The following MARCHF1 variants were observed in gnomAD, a reference collection of about 807,000 sequenced individuals.
The protein encoded by MARCHF1 is E3 ubiquitin-protein ligase MARCHF1.
A neutral mutation model predicts 54.2 loss-of-function variants in MARCHF1; 40 were observed. That is an observed-to-expected ratio of 0.74 (90% CI 0.57 to 0.96). The LOEUF is 0.96. MARCHF1 is among the 40% of genes least tolerant of loss of function. The probability of loss-of-function intolerance (pLI) is 0.00; values close to 1 mark genes in which losing one functional copy is unlikely to be tolerated. For missense variants in MARCHF1, 586 were observed against 656.5 expected (o/e 0.89, Z 1.17); for synonymous variants, 236 against 236.3 (o/e 1.00, Z 0.01).
intron 3 of MARCHF1, among the ~76,000 whole-genome samples, chr4:163,930,512 T>G (rs963378200): frequency 6.6e-6 from 1 of 151,616 alleles, no homozygotes; most frequent in Non-Finnish European, 1.5e-5. Flanking sequence ...GATGATTAAT[T>G]TTATGCCTCA....
At chr4:164,187,923 TA>T (rs1452095940) in intron 1 of MARCHF1, among the ~76,000 whole-genome samples, 1 of 152,154 alleles carries the variant, frequency 6.6e-6, no homozygotes. Context: ...GAAAATCTAG[TA>T]AACCTATAAA....
intron 2 of MARCHF1, among the ~76,000 whole-genome samples, chr4:164,052,585 G>T (rs564415667): frequency 6.6e-6 from 1 of 151,984 alleles, no homozygotes; most frequent in Non-Finnish European, 1.5e-5. Context: ...TTAGAAGTGC[G>T]CTATAAAACT....
At chr4:163,880,465 TA>T (rs1394488736) in intron 3 of MARCHF1, among the ~76,000 whole-genome samples, 1 of 151,148 alleles carries the variant, frequency 6.6e-6, no homozygotes, top group Non-Finnish European at 1.5e-5. Context: ...TTAGGAGTCT[TA>T]TGATAATAGA....
intron 4 of MARCHF1, among the ~76,000 whole-genome samples, chr4:163,723,912 G>A (rs919230445): frequency 6.6e-6 from 1 of 152,130 alleles, no homozygotes; most frequent in Non-Finnish European, 1.5e-5. Context: ...GGTTATTTTA[G>A]TTAGCCATTC....
intron 7 of MARCHF1, among the ~76,000 whole-genome samples, chr4:163,608,485 G>A (rs925878258): frequency 6.6e-6 from 1 of 152,024 alleles, no homozygotes; most frequent in Non-Finnish European, 1.5e-5. Flanking sequence ...CAGTGAGGGC[G>A]ATTTACAGGC....
chr4:163,753,545 G>A (rs568399875), intron 4 of MARCHF1, among the ~76,000 whole-genome samples: 10 of 152,064 alleles, frequency 6.6e-5, no homozygotes, highest in Non-Finnish European at 5.9e-5. Flanking sequence ...TGGGATGGGG[G>A]GTGAGAGAAA....
chr4:164,087,806 TG>T (rs1434641909), intron 2 of MARCHF1, among the ~76,000 whole-genome samples: 3 of 46,750 alleles, frequency 6.4e-5, no homozygotes, highest in Admixed American at 5.6e-4. Flanking sequence ...CTTTTTTCTG[TG>T]TTTTTTTTTT....
intron 2 of MARCHF1, among the ~76,000 whole-genome samples, chr4:164,039,123 G>A (rs1031196115): frequency 6.6e-6 from 1 of 152,136 alleles, no homozygotes; most frequent in African/African-American, 2.4e-5. Context: ...AGATTAGGGA[G>A]TAAAATAATC....
intron 3 of MARCHF1, among the ~76,000 whole-genome samples, chr4:163,979,811 A>C: frequency 6.6e-6 from 1 of 152,014 alleles, no homozygotes; most frequent in Non-Finnish European, 1.5e-5. Context: ...TTGGCTGCAT[A>C]AATGTCTTCT....
chr4:164,167,838 G>A (rs1256572089), intron 1 of MARCHF1, among the ~76,000 whole-genome samples: 6 of 151,726 alleles, frequency 4.0e-5, no homozygotes, highest in Non-Finnish European at 8.8e-5. Context: ...GAACATAGAA[G>A]AGCTTCTTGA....
At chr4:164,340,838 G>A (rs1198696670) in intron 1 of MARCHF1, among the ~76,000 whole-genome samples, 2 of 150,874 alleles carry the variant, frequency 1.3e-5, no homozygotes, top group Non-Finnish European at 2.9e-5. Flanking sequence ...GATTACAGGT[G>A]TGAGCCACTG....
chr4:164,369,401 CAT>C (rs1199997062), intron 1 of MARCHF1, among the ~76,000 whole-genome samples: 3 of 152,176 alleles, frequency 2.0e-5, no homozygotes, highest in South Asian at 2.1e-4. Flanking sequence ...AAAGTGAACA[CAT>C]GAGTTCCAAT....
intron 3 of MARCHF1, among the ~76,000 whole-genome samples, chr4:163,919,223 AT>A (rs1358773096): frequency 6.6e-6 from 1 of 152,130 alleles, no homozygotes; most frequent in Non-Finnish European, 1.5e-5. Flanking sequence ...CTTAAAGTTC[AT>A]TGTGAAAATA....
chr4:164,037,762 G>A (rs1754040232), intron 2 of MARCHF1, among the ~76,000 whole-genome samples: 1 of 152,212 alleles, frequency 6.6e-6, no homozygotes, highest in Admixed American at 6.5e-5. Flanking sequence ...AACATCAACA[G>A]TGATATGTCA....
intron 8 of MARCHF1, among the ~76,000 whole-genome samples, chr4:163,578,005 G>T (rs1165232611): frequency 6.6e-6 from 1 of 151,754 alleles, no homozygotes; most frequent in African/African-American, 2.4e-5. Flanking sequence ...GATGCTTTGG[G>T]GAAATCTTTA....
intron 1 of MARCHF1, among the ~76,000 whole-genome samples, chr4:164,269,425 A>C (rs955344657): frequency 6.6e-6 from 1 of 151,894 alleles, no homozygotes; most frequent in African/African-American, 2.4e-5. Context: ...CTTGTGACCA[A>C]TGATGTTTGT....
At chr4:163,946,736 C>T (rs761059423) in intron 3 of MARCHF1, among the ~76,000 whole-genome samples, 7 of 152,150 alleles carry the variant, frequency 4.6e-5, no homozygotes, top group Non-Finnish European at 8.8e-5. Flanking sequence ...TAATTTTACA[C>T]GATTGTGGCC....
At chr4:164,142,903 C>A (rs907815710) in intron 1 of MARCHF1, among the ~76,000 whole-genome samples, 4 of 151,818 alleles carry the variant, frequency 2.6e-5, no homozygotes, top group Non-Finnish European at 4.4e-5. Flanking sequence ...AAACCAAAGG[C>A]AAAGAAATTG....
intron 1 of MARCHF1, among the ~76,000 whole-genome samples, chr4:164,118,180 ATT>A (rs1379885956): frequency 6.6e-6 from 1 of 151,928 alleles, no homozygotes; most frequent in Non-Finnish European, 1.5e-5. Context: ...TCAGTCAAAT[ATT>A]CCAGAAACTA....
Sources: gnomAD v4.1 joint callset for allele counts (sites outside exome capture counted in the v4.1 genomes callset) on GRCh38, gnomAD v4.1.1 for gene constraint, MANE v1.5 for transcripts, NCBI Gene and HGNC (gene_info 2026-07-23, HGNC 2026-07-21) for gene names.